The following NLGN4X variants were observed in gnomAD, a reference collection of about 807,000 sequenced individuals.
NLGN4X encodes the protein neuroligin 4 X-linked.
In NLGN4X, 3 loss-of-function variants were observed where a neutral mutation model predicts 40.3. The observed-to-expected ratio is 0.07, with a 90% CI of 0.03 to 0.19. The LOEUF (loss-of-function observed/expected upper bound fraction) is 0.19, where lower values mean the gene tolerates loss of function less well. NLGN4X is among the 10% of genes least tolerant of loss of function. The pLI is 1.00. For missense variants in NLGN4X, 382 were observed against 708.3 expected (o/e 0.54, Z 5.23); for synonymous variants, 270 against 306.8 (o/e 0.88, Z 1.25).
At chrX:6,008,546 C>T (rs2036163272) in intron 3 of NLGN4X, among the ~76,000 whole-genome samples, 1 of 111,495 alleles carries the variant, frequency 9.0e-6, no homozygotes, top group Admixed American at 9.6e-5. Flanking sequence ...TTAAAAGTTA[C>T]TTTATTTTCT....
chrX:6,057,605 G>T (rs1430950145), intron 2 of NLGN4X, among the ~76,000 whole-genome samples: 1 of 112,132 alleles, frequency 8.9e-6, no homozygotes, highest in Middle Eastern at 4.2e-3. Flanking sequence ...ACATTAAAAT[G>T]CACATGTATA....
intron 3 of NLGN4X, among the ~76,000 whole-genome samples, chrX:5,980,792 AATATAGCT>A (rs2035363979): frequency 9.0e-6 from 1 of 111,088 alleles, no homozygotes; most frequent in Non-Finnish European, 1.9e-5. Flanking sequence ...TGTTTCAATT[AATATAGCT>A]CTATACTAAG....
At chrX:6,207,560 T>A (rs1924143240) in intron 1 of NLGN4X, among the ~76,000 whole-genome samples, 2 of 112,024 alleles carry the variant, frequency 1.8e-5, no homozygotes, top group Admixed American at 1.9e-4. Context: ...ATAATATAGA[T>A]TCCTTGTATC....
chrX:5,921,391 C>G (rs866129286), intron 3 of NLGN4X, among the ~76,000 whole-genome samples: 6 of 53,086 alleles, frequency 1.1e-4, no homozygotes, highest in East Asian at 6.0e-4. Flanking sequence ...GAAAATGAAC[C>G]AGAGAGAGAG....
In NLGN4X at chrX:6,151,221, G is replaced by C. The variant is rs375260964; in HGVS notation, c.246C>G (p.Pro82=). 3 of 1,209,304 alleles carry C rather than the reference G, an allele frequency of 2.5e-6. No individual in the cohort carries two copies. Among genetic ancestry groups the C allele is most frequent in the Admixed American group, 4.3e-5 (2 of 46,037 alleles). ...GGGGCTGAAACCGCCTCTCTCCAGT[G>C]GGGGGTGAGGCATAGGGGACCCCTA... ...QYLGVPYASP[P]TGERRFQPPE... is the part of the protein sequence containing the mutation. The change falls in exon 2 of 6, where the codon CCC becomes CCG. Residue 82 remains proline, a synonymous_variant. Coordinates refer to ENST00000381095, the MANE Select transcript of NLGN4X (RefSeq NM_181332.3).
intron 3 of NLGN4X, among the ~76,000 whole-genome samples, chrX:5,999,550 G>A (rs1361738015): frequency 8.9e-6 from 1 of 112,251 alleles, no homozygotes; most frequent in Non-Finnish European, 1.9e-5. Flanking sequence ...ATTTGTGCAT[G>A]CTTCTGGCTC....
intron 3 of NLGN4X, among the ~76,000 whole-genome samples, chrX:6,018,393 T>C (rs1441655475): frequency 8.9e-6 from 1 of 112,301 alleles, no homozygotes; most frequent in Non-Finnish European, 1.9e-5. Context: ...CATTCCAAAA[T>C]GTTCTCCCAA....
At chrX:6,158,039 C>T (rs983890746) in intron 1 of NLGN4X, among the ~76,000 whole-genome samples, 4 of 111,919 alleles carry the variant, frequency 3.6e-5, no homozygotes, top group Non-Finnish European at 7.5e-5. Flanking sequence ...AATAAAAGTG[C>T]GTTAATGCTT....
chrX:6,144,821 G>A (rs761832799), intron 2 of NLGN4X, among the ~76,000 whole-genome samples: 4 of 111,039 alleles, frequency 3.6e-5, no homozygotes. Flanking sequence ...ATTCCCCTTT[G>A]CCATTTGAAG....
intron 2 of NLGN4X, among the ~76,000 whole-genome samples, chrX:6,129,719 AC>A (rs2039637614): frequency 9.0e-6 from 1 of 110,752 alleles, no homozygotes. Context: ...GGGTCTCACA[AC>A]AGGGCAGGTG....
At position 6,151,571 on chromosome X, in the gene NLGN4X, T is replaced by C. The variant is rs955232026; in HGVS notation, c.-105A>G. 3.2e-5 allele frequency: 21 copies of C among 661,329 alleles called. No individual in the cohort carries two copies. The highest frequency in any genetic ancestry group is 4.4e-5 in the African/African-American group (2 of 45,903). 54.5% of individuals were successfully genotyped at this position (661,329 alleles called of 1,213,427 possible). On this transcript the variant is annotated 5_prime_UTR_variant, in exon 2 of 6. Transcript: ENST00000381095. Reference sequence around the variant, plus strand: ...AGAGATAGGGCTTTCCAGGGAGCAGTAGACCTGGGAGAGACTCTCAGACTG... The same window carrying C: ...AGAGATAGGGCTTTCCAGGGAGCAGCAGACCTGGGAGAGACTCTCAGACTG...
chrX:6,024,540 A>G (rs1356554887), intron 3 of NLGN4X, among the ~76,000 whole-genome samples: 2 of 110,880 alleles, frequency 1.8e-5, no homozygotes, highest in African/African-American at 6.6e-5. Context: ...TCAGCACAAG[A>G]TACAGGCCAC....
At chrX:5,905,980 G>A (rs1569121104) in intron 4 of NLGN4X, among the ~76,000 whole-genome samples, 1 of 111,992 alleles carries the variant, frequency 8.9e-6, no homozygotes, top group African/African-American at 3.2e-5. Flanking sequence ...CATAATTCGT[G>A]ATTATATTGA....
At chrX:6,145,985 T>C (rs1393967118) in intron 2 of NLGN4X, among the ~76,000 whole-genome samples, 1 of 109,744 alleles carries the variant, frequency 9.1e-6, no homozygotes, top group Admixed American at 9.8e-5. Flanking sequence ...TATGGTGGAG[T>C]GCACCTGTAG....
chrX:5,936,604 G>A (rs755568600), intron 3 of NLGN4X, among the ~76,000 whole-genome samples: 7 of 111,667 alleles, frequency 6.3e-5, no homozygotes, highest in East Asian at 5.6e-4. Flanking sequence ...TCCCAGCTAC[G>A]TCCCCTGAGA....
At chrX:6,195,016 C>T (rs187586978) in intron 1 of NLGN4X, among the ~76,000 whole-genome samples, 11 of 110,522 alleles carry the variant, frequency 1.0e-4, no homozygotes, top group Admixed American at 9.6e-4. Context: ...CTTTAAGTTC[C>T]GGGATACATG....
chrX:6,198,809 T>C (rs774783953), intron 1 of NLGN4X, among the ~76,000 whole-genome samples: 129 of 111,681 alleles, frequency 1.2e-3, no homozygotes, highest in Middle Eastern at 4.6e-3. Context: ...AGGTCTAGAC[T>C]ATGATTCTAG....
chrX:5,901,146 C>T (rs17315232), intron 5 of NLGN4X, among the ~76,000 whole-genome samples: 16,584 of 110,835 alleles, frequency 0.15, 1,096 homozygotes, highest in African/African-American at 0.24. Flanking sequence ...GCTGTACTTT[C>T]GCCAAGGGCA....
chrX:5,936,841 C>A (rs2033748039), intron 3 of NLGN4X, among the ~76,000 whole-genome samples: 1 of 111,862 alleles, frequency 8.9e-6, no homozygotes, highest in Non-Finnish European at 1.9e-5. Flanking sequence ...AGGGTGAAAT[C>A]CAAAAACAAG....
Sources: allele counts gnomAD v4.1 joint callset (sites outside exome capture counted in the v4.1 genomes callset), GRCh38; gene constraint gnomAD v4.1.1; transcripts MANE v1.5; gene names NCBI Gene and HGNC (gene_info 2026-07-23, HGNC 2026-07-21).